The following COL23A1 variants were observed in gnomAD, a reference collection of about 807,000 sequenced individuals.
COL23A1 encodes collagen alpha-1(XXIII) chain.
Under a neutral mutation model 99.3 loss-of-function variants are expected in COL23A1, and 97 were observed. The ratio of observed to expected loss-of-function variants is 0.98; its 90% CI spans 0.83 to 1.16. The LOEUF is 1.16. COL23A1 is among the 50% of genes most tolerant of loss of function. COL23A1 has a pLI of 0.00. For missense variants in COL23A1, 762 were observed against 757.4 expected, an observed-to-expected ratio of 1.01 and a Z score of -0.07; for synonymous variants, 320 against 308.2, an observed-to-expected ratio of 1.04 and a Z score of -0.40.
At chr5:178,248,559 G>A (rs1764840106) in intron 19 of COL23A1, among the ~76,000 whole-genome samples, 1 of 152,134 alleles carries the variant, frequency 6.6e-6, no homozygotes, top group African/African-American at 2.4e-5. Flanking sequence ...TGACCATCAG[G>A]GATGGACACT....
chr5:178,239,050 G>T, intron 28 of COL23A1, 91 bp downstream of exon 28: 2 of 1,425,768 alleles, frequency 1.4e-6, no homozygotes, highest in African/African-American at 1.4e-5. Flanking sequence ...CCAGAGGTTT[G>T]AGTGACAGCA....
At chr5:178,383,742 G>C (rs944247717) in intron 2 of COL23A1, among the ~76,000 whole-genome samples, 2 of 152,184 alleles carry the variant, frequency 1.3e-5, no homozygotes, top group African/African-American at 4.8e-5. Context: ...AGCCCCCTGG[G>C]GTGAGGTTTT....
At chr5:178,417,776 C>G (rs1296534058) in intron 2 of COL23A1, among the ~76,000 whole-genome samples, 1 of 152,228 alleles carries the variant, frequency 6.6e-6, no homozygotes, top group Non-Finnish European at 1.5e-5. Flanking sequence ...TGTGGCTTGT[C>G]TCCACCATTA....
rs71577021 is a variant in COL23A1 at position 178,517,873 on chromosome 5, CTTTTTTT to C, written c.361+42802_361+42808del. On this transcript the variant is annotated intron_variant, in intron 2 of 28. Coordinates refer to ENST00000390654, the MANE Select transcript of COL23A1 (RefSeq NM_173465.4). Reference sequence around the variant, plus strand: ...CCGTGCCTGGCCAGCAACAGCGGTTCTTTTTTTTTTTTTTTTTTTTTTTTTTTTTAAT... The same window carrying C: ...CCGTGCCTGGCCAGCAACAGCGGTTCTTTTTTTTTTTTTTTTTTTTTTAAT... 6.1e-3 allele frequency among the ~76,000 whole-genome samples: 595 copies of C among 97,724 alleles called. 24 individuals are homozygous for C. Among genetic ancestry groups the C allele is most frequent in the African/African-American group, 0.027 (556 of 20,606 alleles). 64.1% of individuals were successfully genotyped at this position (97,724 alleles called of 152,430 possible).
chr5:178,403,604 A>G (rs4976774), intron 2 of COL23A1, among the ~76,000 whole-genome samples: 43,053 of 152,176 alleles, frequency 0.28, 7,013 homozygotes, highest in South Asian at 0.47. Context: ...ACTTCCAGGC[A>G]AAAGGCCTAA....
rs1407032683 is a variant in COL23A1 at position 178,345,330 on chromosome 5, A to G, written c.362-38411T>C. ...ACTTGGAGCAATTCGGAAGAGAAACACATTGAAATCATTTTTTTCCCTGAG... is the reference window on the plus strand; with the variant it reads ...ACTTGGAGCAATTCGGAAGAGAAACGCATTGAAATCATTTTTTTCCCTGAG... On this transcript the variant is annotated intron_variant, in intron 2 of 28. Coordinates refer to ENST00000390654, the MANE Select transcript of COL23A1 (RefSeq NM_173465.4). The G allele has an allele frequency of 8.0e-6, 4 of 499,526 alleles. No homozygotes were observed. The East Asian group carries it at 1.8e-4, about 23-fold the overall frequency. 30.9% of individuals were successfully genotyped at this position (499,526 alleles called of 1,614,324 possible).
intron 2 of COL23A1, among the ~76,000 whole-genome samples, chr5:178,523,201 T>TATATAGAG (rs1223542330): frequency 2.8e-3 from 215 of 77,576 alleles, no homozygotes; most frequent in Admixed American, 4.5e-3. Context: ...TATATATATA[T>TATATAGAG]AGAGAGAGAG....
rs771185348 is a variant in COL23A1 at position 178,415,435 on chromosome 5, C to T, written c.362-108516G>A. 1.3e-5 allele frequency among the ~76,000 whole-genome samples: 2 copies of T among 152,160 alleles called. No individual in the cohort carries two copies. The highest frequency in any genetic ancestry group is 1.9e-4 in the East Asian group (1 of 5,174). On this transcript the variant is annotated intron_variant, in intron 2 of 28. Transcript: ENST00000390654. This position sits in a 1 kb window ranked among gnomAD's most constrained non-coding sequence, Gnocchi z 4.6. Reference sequence around the variant, plus strand: ...GCACAGGCTGTGGCCTCTTTCTCCCCGGGCCCGGGCCCTGGAGCACGGCTC... The same window carrying T: ...GCACAGGCTGTGGCCTCTTTCTCCCTGGGCCCGGGCCCTGGAGCACGGCTC...
In COL23A1 at chr5:178,468,545, C is replaced by T. The variant is rs1973452; in HGVS notation, c.361+92137G>A. 0.053 allele frequency among the ~76,000 whole-genome samples: 8,096 copies of T among 152,190 alleles called. 645 individuals carry two copies. The highest frequency in any genetic ancestry group is 0.17 in the African/African-American group (7,176 of 41,488). ...CATCTGCTCACACCCAGGCCTCACC[C>T]GGCCCCGTCCCTCTGAGCTGACCTC... On this transcript the variant is annotated intron_variant, in intron 2 of 28. Transcript: ENST00000390654. This position sits in a 1 kb window ranked among gnomAD's most constrained non-coding sequence, Gnocchi z 4.2.
chr5:178,264,536 C>G (rs372177683), intron 8 of COL23A1, among the ~76,000 whole-genome samples: 58 of 152,288 alleles, frequency 3.8e-4, no homozygotes, highest in African/African-American at 1.3e-3. Context: ...CCTACACTCG[C>G]ACAGGGCAGA....
At chr5:178,288,506 G>C (rs779121015) in intron 4 of COL23A1, 156 bp from the exon 5 acceptor site, 17 of 736,766 alleles carry the variant, frequency 2.3e-5, no homozygotes, top group African/African-American at 1.7e-5. Flanking sequence ...CAGGGGTCTT[G>C]GGGGCAGAGC....
intron 3 of COL23A1, among the ~76,000 whole-genome samples, chr5:178,305,781 T>A (rs1348541365): frequency 6.6e-6 from 1 of 150,426 alleles, no homozygotes; most frequent in African/African-American, 2.5e-5. Flanking sequence ...CTGCAGGAGG[T>A]CACGGCAGTG....
At chr5:178,414,820 C>A (rs1180384986) in intron 2 of COL23A1, among the ~76,000 whole-genome samples, 9 of 152,118 alleles carry the variant, frequency 5.9e-5, no homozygotes, top group Admixed American at 5.9e-4. Context: ...GACTGCTTCT[C>A]AGAAACCCAA....
At chr5:178,420,836 G>A (rs865872803) in intron 2 of COL23A1, among the ~76,000 whole-genome samples, 17 of 151,106 alleles carry the variant, frequency 1.1e-4, no homozygotes, top group Middle Eastern at 6.8e-3. Context: ...CCCATCCTGC[G>A]GGGAGGGCTG....
intron 2 of COL23A1, among the ~76,000 whole-genome samples, chr5:178,316,810 AG>A (rs1759005019): frequency 6.6e-6 from 1 of 152,026 alleles, no homozygotes; most frequent in Non-Finnish European, 1.5e-5. Context: ...TCTAGTTTCA[AG>A]GTAGTGGACT....
At chr5:178,288,441 C>T (rs1333315572) in intron 4 of COL23A1, 91 bp from the exon 5 acceptor site, 15 of 1,089,814 alleles carry the variant, frequency 1.4e-5, no homozygotes, top group South Asian at 7.4e-5. Context: ...GACCCACACC[C>T]GCCCCCCGAC....
chr5:178,485,085 CA>C (rs1757545500), intron 2 of COL23A1, among the ~76,000 whole-genome samples: 2 of 152,150 alleles, frequency 1.3e-5, no homozygotes, highest in Non-Finnish European at 2.9e-5. Flanking sequence ...AAATGTACTC[CA>C]AAAATTCCAG....
chr5:178,409,814 T>C (rs1045025494), intron 2 of COL23A1, among the ~76,000 whole-genome samples: 2 of 152,178 alleles, frequency 1.3e-5, no homozygotes, highest in South Asian at 4.1e-4. Flanking sequence ...GATAGATTGT[T>C]CAGAACAGAT....
chr5:178,349,715 T>C (rs1198572441), intron 2 of COL23A1, among the ~76,000 whole-genome samples: 1 of 152,174 alleles, frequency 6.6e-6, no homozygotes, highest in Non-Finnish European at 1.5e-5. Context: ...AGTGAATGAA[T>C]GATGGACCAA....
Sources: gnomAD v4.1 joint callset for allele counts (sites outside exome capture counted in the v4.1 genomes callset) on GRCh38, gnomAD v4.1.1 for gene constraint, Gnocchi (gnomAD v3.1) non-coding constraint, MANE v1.5 for transcripts, NCBI Gene and HGNC (gene_info 2026-07-23, HGNC 2026-07-21) for gene names.